The following JAKMIP2 variants were observed in gnomAD, a reference collection of about 807,000 sequenced individuals.
The protein encoded by JAKMIP2 is janus kinase and microtubule-interacting protein 2.
In JAKMIP2, 25 loss-of-function variants were observed where a neutral mutation model predicts 115.0. The observed-to-expected ratio is 0.22, with a 90% confidence interval of 0.16 to 0.30. The LOEUF (loss-of-function observed/expected upper bound fraction) is 0.30, where lower values mean the gene tolerates loss of function less well. Among genes scored for constraint, JAKMIP2 ranks in the 10% least tolerant of loss-of-function variants. The pLI is 1.00. For synonymous variants in JAKMIP2, 334 were observed against 343.6 expected, an observed-to-expected ratio of 0.97 and a Z score of 0.31; for missense variants, 642 against 957.6, an observed-to-expected ratio of 0.67 and a Z score of 4.35.
rs75149200 is a variant in JAKMIP2, at chr5:147,737,531, A to G, written c.-149+44925T>C. ...TTAAGGTATACTTTCTGACAATGAA[A>G]GCAATCAAGCTGTGACAGACCTCCA... On this transcript the variant is annotated intron_variant, in intron 1 of 21. Coordinates refer to ENST00000616793, the MANE Select transcript of JAKMIP2 (RefSeq NM_001270941.2). Among the ~76,000 whole-genome samples, 1,328 of 152,324 alleles carry G rather than the reference A, an allele frequency of 8.7e-3. 29 individuals are homozygous for G. The highest frequency in any genetic ancestry group is 0.03 in the African/African-American group (1,258 of 41,570).
chr5:147,664,736 A>C lies in JAKMIP2; in HGVS notation c.130-3291T>G, dbSNP rs566475163. Among the ~76,000 whole-genome samples the C allele has an allele frequency of 5.3e-5, 8 of 151,960 alleles. No homozygotes were observed. The South Asian group carries it at 6.3e-4, about 12-fold the overall frequency. On this transcript the variant is annotated intron_variant, in intron 2 of 21. Transcript: ENST00000616793. Reference sequence around the variant, plus strand: ...TCCTCATCACCTCCTCTTCTACCCTACCGCAGGCTGGTAACTTTTAGAAAG... The same window carrying C: ...TCCTCATCACCTCCTCTTCTACCCTCCCGCAGGCTGGTAACTTTTAGAAAG...
chr5:147,703,834 A>G (rs1752467731), intron 1 of JAKMIP2, among the ~76,000 whole-genome samples: 1 of 152,058 alleles, frequency 6.6e-6, no homozygotes, highest in African/African-American at 2.4e-5. Context: ...AGCTTAAAAC[A>G]CTAATATTTT....
intron 1 of JAKMIP2, among the ~76,000 whole-genome samples, chr5:147,773,530 TTAC>T (rs963690598): frequency 9.2e-5 from 14 of 152,154 alleles, no homozygotes; most frequent in Admixed American, 9.2e-4. Context: ...TCTTGTCTCT[TTAC>T]TACATTTCAG....
intron 1 of JAKMIP2, among the ~76,000 whole-genome samples, chr5:147,682,994 CTTATT>C (rs1323033128): frequency 6.6e-6 from 1 of 152,108 alleles, no homozygotes; most frequent in Non-Finnish European, 1.5e-5. Flanking sequence ...GTCATATAGT[CTTATT>C]TTATTGTATT....
intron 2 of JAKMIP2, among the ~76,000 whole-genome samples, chr5:147,663,155 T>G (rs1759120194): frequency 6.6e-6 from 1 of 152,208 alleles, no homozygotes; most frequent in Non-Finnish European, 1.5e-5. Flanking sequence ...GACTCCATAT[T>G]TTAACCACTG....
At chr5:147,695,684 GAGAGAC>G (rs1016883206) in intron 1 of JAKMIP2, among the ~76,000 whole-genome samples, 31 of 149,270 alleles carry the variant, frequency 2.1e-4, no homozygotes, top group Non-Finnish European at 3.8e-4. Context: ...GTGTGAGAGA[GAGAGAC>G]AGAGACAGAG....
intron 7 of JAKMIP2, among the ~76,000 whole-genome samples, chr5:147,643,626 A>G (rs1354530890): frequency 6.6e-6 from 1 of 152,182 alleles, no homozygotes; most frequent in Non-Finnish European, 1.5e-5. Flanking sequence ...TCATCCAACA[A>G]ATATTTGTTG....
rs372934123 is a variant in JAKMIP2 at position 147,710,081 on chromosome 5, A to G, written c.-148-38127T>C. On this transcript the variant is annotated intron_variant, in intron 1 of 21. Transcript: ENST00000616793. ...CCTGTAATAGGGGCTTAAAATCCGA[A>G]GGAGTATTGATGAATAAATGAGTCA... is the stretch of plus-strand genomic sequence containing the variant. Among the ~76,000 whole-genome samples the G allele has an allele frequency of 1.2e-4, 18 of 152,196 alleles. No individual in the cohort carries two copies. The East Asian group carries it at 1.5e-3, about 13-fold the overall frequency.
chr5:147,715,494 C>T (rs539824858), intron 1 of JAKMIP2, among the ~76,000 whole-genome samples: 2 of 150,632 alleles, frequency 1.3e-5, no homozygotes, highest in South Asian at 4.2e-4. Context: ...TTATATATAA[C>T]ATAAAAACAA....
intron 9 of JAKMIP2, 110 bp downstream of exon 9, chr5:147,640,594 C>T: frequency 3.5e-6 from 4 of 1,156,068 alleles, no homozygotes; most frequent in Non-Finnish European, 4.9e-6. Context: ...TATGAGATCA[C>T]TTTGTGCTGT....
At chr5:147,746,108 G>A (rs1754338147) in intron 1 of JAKMIP2, among the ~76,000 whole-genome samples, 1 of 152,122 alleles carries the variant, frequency 6.6e-6, no homozygotes, top group Admixed American at 6.5e-5. Context: ...GATCCAAGTT[G>A]GAAAAATCCA....
intron 17 of JAKMIP2, among the ~76,000 whole-genome samples, chr5:147,622,003 G>A (rs1441778571): frequency 6.6e-6 from 1 of 152,160 alleles, no homozygotes; most frequent in African/African-American, 2.4e-5. Flanking sequence ...GAGTAGCTGG[G>A]ATTACAGGCA....
At chr5:147,605,582 A>C (rs1755965810) in intron 20 of JAKMIP2, among the ~76,000 whole-genome samples, 1 of 152,178 alleles carries the variant, frequency 6.6e-6, no homozygotes, top group South Asian at 2.1e-4. Flanking sequence ...GTTATTGTGA[A>C]TAGTGCTGCA....
At chr5:147,611,025 C>T (rs1456892495) in intron 20 of JAKMIP2, among the ~76,000 whole-genome samples, 1 of 152,104 alleles carries the variant, frequency 6.6e-6, no homozygotes, top group Non-Finnish European at 1.5e-5. Context: ...ATAGAGAATG[C>T]CCCTCCCCCC....
intron 1 of JAKMIP2, among the ~76,000 whole-genome samples, chr5:147,686,514 C>T (rs1233528576): frequency 1.3e-5 from 2 of 152,138 alleles, no homozygotes; most frequent in Non-Finnish European, 2.9e-5. Flanking sequence ...GCAGGGATTT[C>T]CCTGGGCCTG....
intron 1 of JAKMIP2, 98 bp downstream of exon 1, chr5:147,782,358 G>A: frequency 2.5e-6 from 3 of 1,209,244 alleles, no homozygotes; most frequent in Non-Finnish European, 3.5e-6. Context: ...CTAGTCTGAG[G>A]CACGGGAGTC....
chr5:147,640,638 T>C, intron 9 of JAKMIP2, 66 bp downstream of exon 9: 2 of 1,551,068 alleles, frequency 1.3e-6, no homozygotes, highest in South Asian at 2.3e-5. Flanking sequence ...AAATCCTTTT[T>C]CTTCCCCCTT....
intron 1 of JAKMIP2, among the ~76,000 whole-genome samples, chr5:147,752,977 T>C (rs1323036332): frequency 1.3e-5 from 2 of 152,142 alleles, no homozygotes; most frequent in East Asian, 3.9e-4. Flanking sequence ...TCTCTGTTGT[T>C]ATTTTCTCAG....
chr5:147,641,308 T>C (rs952247050), intron 8 of JAKMIP2, among the ~76,000 whole-genome samples: 3 of 152,218 alleles, frequency 2.0e-5, no homozygotes, highest in African/African-American at 4.8e-5. Flanking sequence ...GCTATACAGA[T>C]ATTGATGGAT....
Sources: allele counts gnomAD v4.1 joint callset (sites outside exome capture counted in the v4.1 genomes callset), GRCh38; gene constraint gnomAD v4.1.1; transcripts MANE v1.5; gene names NCBI Gene and HGNC (gene_info 2026-07-23, HGNC 2026-07-21).